Variants in CHCHD6 observed in about 807,000 individuals in gnomAD.
CHCHD6 encodes the protein coiled-coil-helix-coiled-coil-helix domain containing 6, also known as MICOS complex subunit MIC25.
Under a neutral mutation model 32.3 loss-of-function variants are expected in CHCHD6, and 28 were observed. The ratio of observed to expected loss-of-function variants is 0.87; its 90% CI spans 0.64 to 1.19. The LOEUF is 1.19. CHCHD6 is among the 50% of genes most tolerant of loss of function. The probability of loss-of-function intolerance (pLI) is 0.00; values close to 1 mark genes in which losing one functional copy is unlikely to be tolerated. For synonymous variants in CHCHD6, 122 were observed against 117.5 expected (o/e 1.04, Z -0.25); for missense variants, 333 against 307.0 (o/e 1.08, Z -0.63).
At chr3:126,880,756 A>C (rs1395118132) in intron 5 of CHCHD6, among the ~76,000 whole-genome samples, 1 of 152,224 alleles carries the variant, frequency 6.6e-6, no homozygotes, top group Non-Finnish European at 1.5e-5. Flanking sequence ...AGAGAGTTAC[A>C]GTGCTCAAGG....
chr3:126,789,125 A>C, intron 4 of CHCHD6, among the ~76,000 whole-genome samples: 1 of 152,138 alleles, frequency 6.6e-6, no homozygotes, highest in Non-Finnish European at 1.5e-5. Context: ...CATATAGTTG[A>C]GCAGTTTTGA....
chr3:126,913,906 C>T (rs531549602), intron 5 of CHCHD6, among the ~76,000 whole-genome samples: 6 of 152,356 alleles, frequency 3.9e-5, no homozygotes, highest in South Asian at 2.1e-4. Flanking sequence ...CAGAGCCACA[C>T]GGTGGTGGCA....
chr3:126,843,013 G>A (rs1173204049), intron 4 of CHCHD6, among the ~76,000 whole-genome samples: 2 of 151,940 alleles, frequency 1.3e-5, no homozygotes, highest in East Asian at 3.8e-4. Flanking sequence ...TAGGGAAAGA[G>A]CCTTCAATAT....
At chr3:126,717,458 T>TA (rs1935074203) in intron 1 of CHCHD6, among the ~76,000 whole-genome samples, 1 of 152,144 alleles carries the variant, frequency 6.6e-6, no homozygotes, top group Non-Finnish European at 1.5e-5. Context: ...CCATGTGACT[T>TA]ACTCGTAGAC....
chr3:126,892,959 T>G (rs1281763871), intron 5 of CHCHD6, among the ~76,000 whole-genome samples: 2 of 134,458 alleles, frequency 1.5e-5, no homozygotes, highest in Admixed American at 1.5e-4. Flanking sequence ...TGTTGTTGTT[T>G]TGTTTTGTTT....
At chr3:126,794,411 T>C (rs1938693049) in intron 4 of CHCHD6, among the ~76,000 whole-genome samples, 1 of 148,302 alleles carries the variant, frequency 6.7e-6, no homozygotes, top group Non-Finnish European at 1.5e-5. Context: ...AAAAGTATAG[T>C]TTGTATATAT....
intron 6 of CHCHD6, among the ~76,000 whole-genome samples, chr3:126,925,606 C>T (rs1262014650): frequency 6.6e-6 from 1 of 152,196 alleles, no homozygotes; most frequent in East Asian, 1.9e-4. Flanking sequence ...TCCTCTGCCA[C>T]AGCATCAGTG....
intron 4 of CHCHD6, among the ~76,000 whole-genome samples, chr3:126,756,352 A>G (rs774111219): frequency 8.5e-5 from 13 of 152,204 alleles, no homozygotes; most frequent in African/African-American, 1.4e-4. Flanking sequence ...TTTGTCTCCA[A>G]TAGAGCTGCC....
At chr3:126,804,811 G>A (rs946943899) in intron 4 of CHCHD6, among the ~76,000 whole-genome samples, 1 of 152,012 alleles carries the variant, frequency 6.6e-6, no homozygotes, top group Non-Finnish European at 1.5e-5. Flanking sequence ...ATAAAATACT[G>A]GCAAACCAAA....
intron 5 of CHCHD6, chr3:126,854,809 T>A (rs943285387): frequency 6.6e-6 from 1 of 152,216 alleles, no homozygotes; most frequent in Non-Finnish European, 1.5e-5. Context: ...CAGTCCCGGG[T>A]GAGAGCAGGT....
chr3:126,780,433 A>G (rs560505838), intron 4 of CHCHD6: 9 of 359,940 alleles, frequency 2.5e-5, no homozygotes, highest in South Asian at 2.0e-4. Flanking sequence ...TGCCTTGGGT[A>G]AGAGTTGTTA....
At chr3:126,717,571 C>A (rs1362953754) in intron 1 of CHCHD6, among the ~76,000 whole-genome samples, 1 of 152,082 alleles carries the variant, frequency 6.6e-6, no homozygotes, top group Admixed American at 6.5e-5. Context: ...GAGTTTGAGA[C>A]CACCTGGGCA....
chr3:126,835,475 G>A (rs1940819033), intron 4 of CHCHD6, among the ~76,000 whole-genome samples: 1 of 152,222 alleles, frequency 6.6e-6, no homozygotes, highest in Admixed American at 6.5e-5. Flanking sequence ...TGCCATCAGA[G>A]TGGGGCTGGG....
intron 6 of CHCHD6, among the ~76,000 whole-genome samples, chr3:126,928,073 G>C (rs1294940925): frequency 6.6e-6 from 1 of 152,206 alleles, no homozygotes; most frequent in Non-Finnish European, 1.5e-5. Flanking sequence ...CCTCAGGTCT[G>C]CCTACAGTAG....
At chr3:126,753,654 CT>C (rs1229850156) in intron 4 of CHCHD6, among the ~76,000 whole-genome samples, 11 of 152,262 alleles carry the variant, frequency 7.2e-5, no homozygotes, top group Non-Finnish European at 1.0e-4. Context: ...GCCCTTGCCC[CT>C]GTCTCTCTCT....
intron 6 of CHCHD6, among the ~76,000 whole-genome samples, chr3:126,944,750 C>G (rs1197745044): frequency 6.6e-6 from 1 of 152,212 alleles, no homozygotes; most frequent in Non-Finnish European, 1.5e-5. Context: ...GGTTAGCAGA[C>G]AGACATGGGG....
At chr3:126,784,061 A>G (rs1022188944) in intron 4 of CHCHD6, among the ~76,000 whole-genome samples, 3 of 152,218 alleles carry the variant, frequency 2.0e-5, no homozygotes, top group Middle Eastern at 3.4e-3. Flanking sequence ...TGTCTTGTAC[A>G]TGGAGAACTC....
At chr3:126,814,439 G>T (rs1328285504) in intron 4 of CHCHD6, among the ~76,000 whole-genome samples, 1 of 152,190 alleles carries the variant, frequency 6.6e-6, no homozygotes, top group Non-Finnish European at 1.5e-5. Context: ...TTCAGCATGG[G>T]ACTGGTCACC....
At chr3:126,724,465 T>G (rs529414742) in intron 1 of CHCHD6, among the ~76,000 whole-genome samples, 5 of 152,340 alleles carry the variant, frequency 3.3e-5, no homozygotes, top group African/African-American at 7.2e-5. Flanking sequence ...ATTGGCAAAA[T>G]ATGCTAATGA....
Sources: gnomAD v4.1 joint callset for allele counts (sites outside exome capture counted in the v4.1 genomes callset) on GRCh38, gnomAD v4.1.1 for gene constraint, MANE v1.5 for transcripts, NCBI Gene and HGNC (gene_info 2026-07-23, HGNC 2026-07-21) for gene names.